Variants in COL5A1 observed in about 807,000 individuals in gnomAD.
The protein encoded by COL5A1 is collagen alpha-1(V) chain.
Under a neutral mutation model 263.7 loss-of-function variants are expected in COL5A1, and 16 were observed. The ratio of observed to expected loss-of-function variants is 0.06; its 90% confidence interval spans 0.04 to 0.09. COL5A1 has a LOEUF of 0.09. Ranked by LOEUF, COL5A1 falls within the 10% of genes least tolerant of loss-of-function variation. The pLI is 1.00. For synonymous variants in COL5A1, 1,012 were observed against 1,004.5 expected, an observed-to-expected ratio of 1.01 and a Z score of -0.14; for missense variants, 2,036 against 2,540.5, an observed-to-expected ratio of 0.80 and a Z score of 4.27.
intron 11 of COL5A1, among the ~76,000 whole-genome samples, chr9:134,744,659 TCACACACATG>T (rs1162983556): frequency 1.7e-5 from 2 of 117,198 alleles, no homozygotes; most frequent in Non-Finnish European, 1.8e-5. Flanking sequence ...ACAGGTACGC[TCACACACATG>T]CACACACATT....
In COL5A1 at chr9:134,758,538, C is replaced by T. The variant is rs1449561105; in HGVS notation, c.1935+242C>T. 6.6e-6 allele frequency among the ~76,000 whole-genome samples: 1 copy of T among 152,120 alleles called. No individual in the cohort carries two copies. Among genetic ancestry groups the T allele is most frequent in the Non-Finnish European group, 1.5e-5 (1 of 68,010 alleles). ...TTATCTACAGTTTGTGACAAGTGAGCCAGATGGGCCTACCCACCTGAGGCG... is the reference window on the plus strand; with the variant it reads ...TTATCTACAGTTTGTGACAAGTGAGTCAGATGGGCCTACCCACCTGAGGCG... On this transcript the variant is annotated intron_variant, in intron 18 of 65. Transcript: ENST00000371817. This position sits in a 1 kb window ranked among gnomAD's most constrained non-coding sequence, Gnocchi z 4.1.
rs922585201 is a variant in COL5A1 at position 134,702,671 on chromosome 9, G to A, written c.654+1338G>A. Among the ~76,000 whole-genome samples, 3 of 152,230 alleles carry A rather than the reference G, an allele frequency of 2.0e-5. No individual in the cohort carries two copies. In the East Asian group the frequency reaches 5.8e-4, roughly 29 times the overall value. The stretch of plus-strand genomic sequence containing the variant: ...GAGCGTGTGAGAAGAGGGCAATTCT[G>A]AAAGTCTCACCTTTCTAGGAAATCA... On this transcript the variant is annotated intron_variant, in intron 4 of 65. Transcript: ENST00000371817.
Position 134,757,094 on chromosome 9 carries a change from G to A in COL5A1, c.1881+276G>A, listed in dbSNP as rs970882767. 6.6e-6 allele frequency among the ~76,000 whole-genome samples: 1 copy of A among 152,148 alleles called. No individual in the cohort carries two copies. The highest frequency in any genetic ancestry group is 3.2e-3 in the Middle Eastern group (1 of 316). On this transcript the variant is annotated intron_variant, in intron 17 of 65. Coordinates refer to ENST00000371817, the MANE Select transcript of COL5A1 (RefSeq NM_000093.5). This position sits in a 1 kb window ranked among gnomAD's most constrained non-coding sequence, Gnocchi z 6.2. Reference sequence around the variant, plus strand: ...CCGACTATGAAAACCATCCGTGGCCGTGCAGGTGACGAGGCGCATGTAGGG... The same window carrying A: ...CCGACTATGAAAACCATCCGTGGCCATGCAGGTGACGAGGCGCATGTAGGG...
chr9:134,739,773 G>A (rs941960294), intron 11 of COL5A1, among the ~76,000 whole-genome samples: 14 of 152,258 alleles, frequency 9.2e-5, no homozygotes, highest in Admixed American at 6.5e-4. Context: ...CCCCTGGAAA[G>A]CTGGGGAGGG....
intron 3 of COL5A1, 107 bp from the exon 4 acceptor site, chr9:134,701,064 C>G (rs1407949995): frequency 9.6e-6 from 11 of 1,150,400 alleles, no homozygotes; most frequent in Non-Finnish European, 1.4e-5. Flanking sequence ...CCACCACGAT[C>G]GTGCAGGAAG....
rs144672209 is a variant in COL5A1 at position 134,830,883 on chromosome 9, C to T, written c.5136+839C>T. Among the ~76,000 whole-genome samples, 1,394 of 152,304 alleles carry T rather than the reference C, an allele frequency of 9.2e-3. 24 individuals are homozygous for T. The highest frequency in any genetic ancestry group is 0.032 in the African/African-American group (1,322 of 41,564). On this transcript the variant is annotated intron_variant, in intron 64 of 65. Coordinates refer to ENST00000371817, the MANE Select transcript of COL5A1 (RefSeq NM_000093.5). The stretch of plus-strand genomic sequence containing the variant: ...GCGTGGAGTGCCCCTAGGAACCCCA[C>T]CGGAGTTTGATTTGGGCCCTCTCCT...
In COL5A1 at chr9:134,818,403, C is replaced by T. The variant is rs1159635223; in HGVS notation, c.4231-253C>T. 6.6e-6 allele frequency among the ~76,000 whole-genome samples: 1 copy of T among 152,118 alleles called. No homozygotes were observed. Among genetic ancestry groups the T allele is most frequent in the African/African-American group, 2.4e-5 (1 of 41,432 alleles). The stretch of plus-strand genomic sequence containing the variant: ...GGTTCCATCCCTGCTCGGGCAGTGG[C>T]GCTGTGACACCCGGTCTGTGGTCGG... On this transcript the variant is annotated intron_variant, in intron 54 of 65. Coordinates refer to ENST00000371817, the MANE Select transcript of COL5A1 (RefSeq NM_000093.5). This position sits in a 1 kb window ranked among gnomAD's most constrained non-coding sequence, Gnocchi z 6.0.
chr9:134,793,694 G>A (rs762232613), intron 32 of COL5A1, among the ~76,000 whole-genome samples: 3 of 152,226 alleles, frequency 2.0e-5, no homozygotes, highest in East Asian at 3.9e-4. Flanking sequence ...GGGCTCATTC[G>A]CACCTAAATG....
At chr9:134,753,187 G>A (rs1471562157) in intron 14 of COL5A1, among the ~76,000 whole-genome samples, 1 of 152,200 alleles carries the variant, frequency 6.6e-6, no homozygotes, top group Non-Finnish European at 1.5e-5. Context: ...AACTAAGTGT[G>A]GGGCAGAACG....
chr9:134,741,575 C>T lies in COL5A1; in HGVS notation c.1494+2767C>T, dbSNP rs905982345. Among the ~76,000 whole-genome samples, 4 of 151,520 alleles carry T rather than the reference C, an allele frequency of 2.6e-5. No homozygotes were observed. The highest frequency in any genetic ancestry group is 7.3e-5 in the African/African-American group (3 of 41,222). ...GGCCTCCCTCTCAGGTGATAAGGGG[C>T]GCTCTCCAAATCCTGGTACAGAAGC... On this transcript the variant is annotated intron_variant, in intron 11 of 65. Transcript: ENST00000371817. This position sits in a 1 kb window ranked among gnomAD's most constrained non-coding sequence, Gnocchi z 4.5.
At chr9:134,726,372 GGATA>G (rs1252833988) in intron 4 of COL5A1, among the ~76,000 whole-genome samples, 3 of 152,078 alleles carry the variant, frequency 2.0e-5, no homozygotes, top group East Asian at 1.9e-4. Flanking sequence ...GTATCTGGAT[GGATA>G]GATAGATGGA....
intron 32 of COL5A1, among the ~76,000 whole-genome samples, chr9:134,790,357 T>A (rs1588552445): frequency 8.1e-6 from 1 of 122,968 alleles, no homozygotes; most frequent in Non-Finnish European, 1.7e-5. Flanking sequence ...CACCAACCCA[T>A]CCACCCATCC....
At chr9:134,723,712 C>A (rs545966013) in intron 4 of COL5A1, among the ~76,000 whole-genome samples, 2 of 152,358 alleles carry the variant, frequency 1.3e-5, no homozygotes, top group Admixed American at 1.3e-4. Context: ...GAGGCAGGGG[C>A]AGGTGGGCAG....
rs1433870353 is a variant in COL5A1, at chr9:134,654,780, G to T, written c.109+12484G>T. 5.6e-5 allele frequency among the ~76,000 whole-genome samples: 8 copies of T among 142,330 alleles called. No homozygotes were observed. In the South Asian group the frequency reaches 7.0e-4, roughly 13 times the overall value. The allele number at this position is 142,330 out of a possible 152,430, so 93.4% of individuals were successfully genotyped here. ...GTGTGTAGGGCTTGTGGTGTCTAGG[G>T]CTGGGGTGTGTAGACCTCGTGTGTG... On this transcript the variant is annotated intron_variant, in intron 1 of 65. Coordinates refer to ENST00000371817, the MANE Select transcript of COL5A1 (RefSeq NM_000093.5).
At chr9:134,688,820 TC>T (rs1348615209) in intron 1 of COL5A1, among the ~76,000 whole-genome samples, 2 of 152,184 alleles carry the variant, frequency 1.3e-5, no homozygotes, top group Non-Finnish European at 2.9e-5. Flanking sequence ...GGCAGGGACT[TC>T]AGAACCCTGG....
rs1260760724 is a variant in COL5A1 at position 134,681,857 on chromosome 9, C to T, written c.110-9055C>T. Reference sequence around the variant, plus strand: ...TGACTTTGGGGCCTGCAGAAACCTCCCCTCTCTTCCTCGCTCTTCCTCTCT... The same window carrying T: ...TGACTTTGGGGCCTGCAGAAACCTCTCCTCTCTTCCTCGCTCTTCCTCTCT... On this transcript the variant is annotated intron_variant, in intron 1 of 65. Coordinates refer to ENST00000371817, the MANE Select transcript of COL5A1 (RefSeq NM_000093.5). The surrounding 1 kb of genome is among the most constrained non-coding windows in gnomAD (Gnocchi z 4.3). Among the ~76,000 whole-genome samples, 2 of 151,962 alleles carry T rather than the reference C, an allele frequency of 1.3e-5. No individual in the cohort carries two copies. The highest frequency in any genetic ancestry group is 2.4e-5 in the African/African-American group (1 of 41,350).
chr9:134,642,104 G>A lies in COL5A1; in HGVS notation c.-84G>A, dbSNP rs1227266837. ...AAGTGGTGCGGTCCCTGCTGAGTGC[G>A]CTGCCCGGGCCGTGACCCGCGCCCC... is the stretch of plus-strand genomic sequence containing the variant. On this transcript the variant is annotated 5_prime_UTR_variant, in exon 1 of 66. Coordinates refer to ENST00000371817, the MANE Select transcript of COL5A1 (RefSeq NM_000093.5). The surrounding 1 kb of genome is among the most constrained non-coding windows in gnomAD (Gnocchi z 4.5). 2.6e-6 allele frequency: 3 copies of A among 1,163,920 alleles called. No individual in the cohort carries two copies. The highest frequency in any genetic ancestry group is 3.2e-5 in the African/African-American group (2 of 62,920). 72.1% of individuals were successfully genotyped at this position (1,163,920 alleles called of 1,614,324 possible).
chr9:134,840,945 A>G (rs1234975340), intron 65 of COL5A1, among the ~76,000 whole-genome samples: 1 of 152,210 alleles, frequency 6.6e-6, no homozygotes, highest in Non-Finnish European at 1.5e-5. Flanking sequence ...AGGCCCTTCA[A>G]GGCCACGCCC....
At chr9:134,817,593 G>A (rs549391712) in intron 53 of COL5A1, among the ~76,000 whole-genome samples, 185 bp from the exon 54 acceptor site, 74 of 152,134 alleles carry the variant, frequency 4.9e-4, no homozygotes, top group African/African-American at 1.7e-3. Context: ...CGGGTGGCCC[G>A]GGAGCAGCCT....
Sources: allele counts gnomAD v4.1 joint callset (sites outside exome capture counted in the v4.1 genomes callset), GRCh38; gene constraint gnomAD v4.1.1; non-coding constraint Gnocchi (gnomAD v3.1); transcripts MANE v1.5; gene names NCBI Gene and HGNC (gene_info 2026-07-23, HGNC 2026-07-21).